The following COL25A1 variants were observed in gnomAD, a reference collection of about 807,000 sequenced individuals.
The protein encoded by COL25A1 is collagen type XXV alpha 1 chain, also known as collagen alpha-1(XXV) chain.
In COL25A1, 103 loss-of-function variants were observed where a neutral mutation model predicts 128.4. The ratio of observed to expected loss-of-function variants is 0.80; its 90% CI spans 0.68 to 0.94. The LOEUF is 0.94. COL25A1 is among the 40% of genes least tolerant of loss of function. COL25A1 has a pLI of 0.00. For synonymous variants in COL25A1, 279 were observed against 277.2 expected (o/e 1.01, Z -0.06); for missense variants, 745 against 840.0 (o/e 0.89, Z 1.40).
chr4:108,818,142 C>T (rs956021041), intron 36 of COL25A1, among the ~76,000 whole-genome samples: 12 of 152,024 alleles, frequency 7.9e-5, no homozygotes, highest in East Asian at 1.9e-4. Context: ...ACACAAATAA[C>T]GCAGGAAGAG....
chr4:109,011,766 T>C (rs1756614726), intron 5 of COL25A1, among the ~76,000 whole-genome samples: 2 of 152,250 alleles, frequency 1.3e-5, no homozygotes, highest in Admixed American at 6.5e-5. Flanking sequence ...GACATTTACA[T>C]ACAGACTTGT....
At chr4:108,960,331 C>T (rs1750542851) in intron 8 of COL25A1, among the ~76,000 whole-genome samples, 1 of 151,930 alleles carries the variant, frequency 6.6e-6, no homozygotes, top group Non-Finnish European at 1.5e-5. Context: ...GATATACCAC[C>T]AAAGAAATGT....
chr4:109,007,375 C>T (rs112413098), intron 6 of COL25A1, among the ~76,000 whole-genome samples: 2,143 of 152,198 alleles, frequency 0.014, 55 homozygotes, highest in African/African-American at 0.048. Flanking sequence ...AATATGAGCA[C>T]TTAGAAATGA....
chr4:108,984,829 C>G (rs1237615965), intron 6 of COL25A1, among the ~76,000 whole-genome samples: 1 of 152,248 alleles, frequency 6.6e-6, no homozygotes, highest in African/African-American at 2.4e-5. Context: ...AAGGGCTCCT[C>G]AAGTGCCGCC....
chr4:108,917,750 A>G (rs1371461585), intron 13 of COL25A1, among the ~76,000 whole-genome samples: 2 of 152,218 alleles, frequency 1.3e-5, no homozygotes, highest in Non-Finnish European at 2.9e-5. Flanking sequence ...CTGGATTCAG[A>G]AAGTTTGACT....
rs371831036 is a variant in COL25A1 at position 109,082,814 on chromosome 4, T to C, written c.368-32635A>G. Among the ~76,000 whole-genome samples, 56 of 152,314 alleles carry C rather than the reference T, an allele frequency of 3.7e-4. 1 individual carries two copies. The highest frequency in any genetic ancestry group is 1.3e-3 in the African/African-American group (52 of 41,576). On this transcript the variant is annotated intron_variant, in intron 3 of 37. Coordinates refer to ENST00000399132, the MANE Select transcript of COL25A1 (RefSeq NM_198721.4). The stretch of plus-strand genomic sequence containing the variant: ...CGTGGTTACATTTGCAGGTTTGTTA[T>C]ATAGGTAAACTACTGGCATGGGGGT...
intron 20 of COL25A1, among the ~76,000 whole-genome samples, chr4:108,868,547 AAAAG>A (rs1413072649): frequency 2.0e-5 from 2 of 98,350 alleles, no homozygotes; most frequent in African/African-American, 4.0e-5. Context: ...AAGAAAAGAA[AAAAG>A]AAAGAAAGAA....
At chr4:108,906,414 T>TC (rs1743534843) in intron 13 of COL25A1, among the ~76,000 whole-genome samples, 1 of 151,978 alleles carries the variant, frequency 6.6e-6, no homozygotes, top group African/African-American at 2.4e-5. Context: ...ACCCCTGAGT[T>TC]CCCCCCACTC....
At chr4:109,102,287 G>A (rs1210317463) in intron 3 of COL25A1, among the ~76,000 whole-genome samples, 2 of 151,980 alleles carry the variant, frequency 1.3e-5, no homozygotes, top group Admixed American at 1.3e-4. Flanking sequence ...TAACCTTTGT[G>A]TAATTTATAG....
chr4:109,169,628 A>G (rs1230429778), intron 3 of COL25A1, among the ~76,000 whole-genome samples: 2 of 152,216 alleles, frequency 1.3e-5, no homozygotes, highest in East Asian at 3.8e-4. Context: ...CTGCAGCCCT[A>G]GAAATTTTAG....
At chr4:109,272,056 T>A (rs1287997048) in intron 3 of COL25A1, among the ~76,000 whole-genome samples, 1 of 151,750 alleles carries the variant, frequency 6.6e-6, no homozygotes, top group Non-Finnish European at 1.5e-5. Context: ...CTGGGCAACA[T>A]GAAACCCCAT....
chr4:109,223,109 T>A (rs1778539038), intron 3 of COL25A1, among the ~76,000 whole-genome samples: 1 of 152,200 alleles, frequency 6.6e-6, no homozygotes, highest in Admixed American at 6.5e-5. Context: ...TTAGGAGATG[T>A]TTCTTTATTG....
chr4:109,233,640 T>C (rs1186016683), intron 3 of COL25A1, among the ~76,000 whole-genome samples: 1 of 152,110 alleles, frequency 6.6e-6, no homozygotes, highest in Non-Finnish European at 1.5e-5. Flanking sequence ...AATTTATTCA[T>C]CATGTAGGAG....
chr4:109,093,679 G>T (rs542137731), intron 3 of COL25A1, among the ~76,000 whole-genome samples: 3 of 152,092 alleles, frequency 2.0e-5, no homozygotes, highest in South Asian at 2.1e-4. Context: ...CAAAATGTGG[G>T]TTTTAAAGTA....
chr4:109,170,829 T>C (rs1296551188), intron 3 of COL25A1, among the ~76,000 whole-genome samples: 1 of 152,118 alleles, frequency 6.6e-6, no homozygotes, highest in Admixed American at 6.6e-5. Context: ...TGTCCAGGTA[T>C]GACATGGGAT....
chr4:109,100,785 T>C (rs1024705067), intron 3 of COL25A1, among the ~76,000 whole-genome samples: 1 of 152,124 alleles, frequency 6.6e-6, no homozygotes, highest in South Asian at 2.1e-4. Context: ...GGTTCATAGC[T>C]GGGAATATGA....
intron 3 of COL25A1, among the ~76,000 whole-genome samples, chr4:109,283,342 G>A (rs1023398070): frequency 6.6e-6 from 1 of 152,126 alleles, no homozygotes; most frequent in African/African-American, 2.4e-5. Flanking sequence ...GAACTTCTGG[G>A]CTCAAGCAAT....
At chr4:108,943,564 C>T (rs1048295878) in intron 8 of COL25A1, among the ~76,000 whole-genome samples, 4 of 152,190 alleles carry the variant, frequency 2.6e-5, no homozygotes, top group Admixed American at 1.3e-4. Flanking sequence ...TATGGTCACA[C>T]TCTGCAGTAA....
chr4:109,245,725 C>A, intron 3 of COL25A1, among the ~76,000 whole-genome samples: 1 of 152,050 alleles, frequency 6.6e-6, no homozygotes, highest in East Asian at 1.9e-4. Flanking sequence ...AGGATTAAAT[C>A]TGAAAGAAAA....
Sources: gnomAD v4.1 joint callset for allele counts (sites outside exome capture counted in the v4.1 genomes callset) on GRCh38, gnomAD v4.1.1 for gene constraint, MANE v1.5 for transcripts, NCBI Gene and HGNC (gene_info 2026-07-23, HGNC 2026-07-21) for gene names.